Variants in MAK observed in about 807,000 individuals in gnomAD.
The protein encoded by MAK is male germ cell associated kinase.
MAK carries 65 observed loss-of-function variants against 82.6 expected under a neutral mutation model. The ratio of observed to expected loss-of-function variants is 0.79; its 90% CI spans 0.64 to 0.97. The LOEUF (loss-of-function observed/expected upper bound fraction) is 0.97. Among genes scored for constraint, MAK ranks in the 50% least tolerant of loss-of-function variants. The probability of loss-of-function intolerance (pLI) is 0.00; values close to 1 mark genes in which losing one functional copy is unlikely to be tolerated. For synonymous variants in MAK, 250 were observed against 274.2 expected (o/e 0.91, Z 0.87); for missense variants, 703 against 780.2 (o/e 0.90, Z 1.18).
At chr6:10,817,131 T>A (rs896465545) in intron 4 of MAK, among the ~76,000 whole-genome samples, 2 of 149,480 alleles carry the variant, frequency 1.3e-5, no homozygotes, top group African/African-American at 2.4e-5. Flanking sequence ...TGAGCGAGAG[T>A]GTGTGTGTGT....
intron 1 of MAK, chr6:10,838,261 A>T (rs1053888728): frequency 1.7e-4 from 26 of 152,396 alleles, no homozygotes; most frequent in African/African-American, 5.1e-4. Context: ...TCTGGGAGAC[A>T]CCGACCGCCT....
intron 8 of MAK, chr6:10,797,603 T>C (rs1444967463): frequency 1.0e-6 from 1 of 985,184 alleles, no homozygotes; most frequent in Non-Finnish European, 1.2e-6. Flanking sequence ...ATTCCCTTAT[T>C]GGCATCAAAT....
rs143572116 is a variant in MAK, at chr6:10,803,744, G to T, written c.639C>A (p.Cys213Ter). The T allele has an allele frequency of 1.9e-6, 3 of 1,613,800 alleles. No individual in the cohort carries two copies. Among genetic ancestry groups the T allele is most frequent in the Non-Finnish European group, 2.5e-6 (3 of 1,179,982 alleles). ...TSEVDEIFKI[C>*]QVLGTPKKSD... ...CTTTTTTGGGAGTCCCTAAAACTTG[G>T]CAAATTTTAAAGATTTCATCGACCT... The change falls in exon 7 of 15, where the codon TGC becomes TGA. Residue 213 changes from cysteine to a stop codon, truncating the protein, a stop_gained. Transcript: ENST00000354489. LOFTEE classifies it high-confidence loss of function.
In MAK at chr6:10,793,373, G is replaced by T. The variant is rs1271253620; in HGVS notation, c.1144-1526C>A. Among the ~76,000 whole-genome samples, 1 of 152,156 alleles carries T rather than the reference G, an allele frequency of 6.6e-6. No homozygotes were observed. The highest frequency in any genetic ancestry group is 1.9e-4 in the East Asian group (1 of 5,202). On this transcript the variant is annotated intron_variant, in intron 9 of 14. Coordinates refer to ENST00000354489, the MANE Select transcript of MAK (RefSeq NM_001242957.3). This position sits in a 1 kb window ranked among gnomAD's most constrained non-coding sequence, Gnocchi z 4.6. The stretch of plus-strand genomic sequence containing the variant: ...CTAGTAGCCTGCCCAAGATCTCACG[G>T]TCGTTCTATTCATCATGAAGATTCA...
At chr6:10,805,068 G>T (rs1390943175) in intron 6 of MAK, among the ~76,000 whole-genome samples, 2 of 52,212 alleles carry the variant, frequency 3.8e-5, no homozygotes, top group Non-Finnish European at 9.4e-5. Context: ...GCATGTGTGT[G>T]TCGGGGGGGG....
intron 14 of MAK, among the ~76,000 whole-genome samples, chr6:10,767,312 A>G (rs1772541173): frequency 6.6e-6 from 1 of 152,326 alleles, no homozygotes; most frequent in Non-Finnish European, 1.5e-5. Flanking sequence ...CCTGGAATAC[A>G]GCCCTGGGAG....
rs762987092 is a variant in MAK at position 10,808,930 on chromosome 6, C to T, written c.371G>A (p.Arg124Lys). Residue 124 changes from arginine to lysine, a missense_variant, in exon 6 of 15, where the codon AGG becomes AAG. Transcript: ENST00000354489. Reference sequence around the variant, plus strand: ...AAGCAAGTTTTCTGGTTTCATGTCCCTATGAAAAAAGCCTTGATGATATAC... The same window carrying T: ...AAGCAAGTTTTCTGGTTTCATGTCCTTATGAAAAAAGCCTTGATGATATAC... Reference protein sequence around the residue: ...AFIHKHGFFHRDMKPENLLCM... With the variant: ...AFIHKHGFFHKDMKPENLLCM... 1 of 1,612,954 alleles carries T rather than the reference C, an allele frequency of 6.2e-7. No individual in the cohort carries two copies. The highest frequency in any genetic ancestry group is 8.5e-7 in the Non-Finnish European group (1 of 1,179,428).
In MAK at chr6:10,803,901, T is replaced by TA. The variant is rs1776209443; in HGVS notation, c.492-11dup. Reference sequence around the variant, plus strand: ...TTCAGGGGCACGATACCTATGAAAATAGAGAACAAAAGAGGTAATTTTGAT... The same window carrying TA: ...TTCAGGGGCACGATACCTATGAAAATAAGAGAACAAAAGAGGTAATTTTGAT... On this transcript the variant is annotated splice_polypyrimidine_tract_variant and intron_variant, in intron 6 of 14. Transcript: ENST00000354489. 2 of 1,613,076 alleles carry TA rather than the reference T, an allele frequency of 1.2e-6. No homozygotes were observed. The highest frequency in any genetic ancestry group is 2.7e-5 in the African/African-American group (2 of 74,812).
At chr6:10,782,878 C>T (rs998243904) in intron 11 of MAK, among the ~76,000 whole-genome samples, 3 of 152,132 alleles carry the variant, frequency 2.0e-5, no homozygotes, top group Non-Finnish European at 2.9e-5. Flanking sequence ...GTGCCCAGCC[C>T]TAGCTGGATT....
intron 1 of MAK, among the ~76,000 whole-genome samples, chr6:10,832,922 A>G (rs1213357764): frequency 6.6e-6 from 1 of 151,870 alleles, no homozygotes; most frequent in Admixed American, 6.5e-5. Context: ...ACCCAAAAAC[A>G]TGTGTGACTT....
At chr6:10,815,535 A>G (rs2127573959) in intron 4 of MAK, among the ~76,000 whole-genome samples, 1 of 152,150 alleles carries the variant, frequency 6.6e-6, no homozygotes, top group East Asian at 1.9e-4. Context: ...AGGCAGGGGA[A>G]TTGCTGGAGC....
intron 10 of MAK, 91 bp from the exon 11 acceptor site, chr6:10,784,663 T>TCTGCACATCTG (rs1774358302): frequency 1.5e-6 from 1 of 672,860 alleles, no homozygotes; most frequent in South Asian, 2.8e-5. Flanking sequence ...CTGCACATCT[T>TCTGCACATCTG]CCTAAGCCAG....
At position 10,776,245 on chromosome 6, in the gene MAK, A is replaced by C. The variant is rs545777895; in HGVS notation, c.1466-786T>G. 2.0e-5 allele frequency among the ~76,000 whole-genome samples: 3 copies of C among 152,226 alleles called. No homozygotes were observed. Among genetic ancestry groups the C allele is most frequent in the Non-Finnish European group, 2.9e-5 (2 of 68,046 alleles). On this transcript the variant is annotated intron_variant, in intron 11 of 14. Transcript: ENST00000354489. The surrounding 1 kb of genome is among the most constrained non-coding windows in gnomAD (Gnocchi z 4.3). ...AAACGCTTATTTGTATATGAGATACAGTAAAATGGAAACAGTTTATCCCCT... is the reference window on the plus strand; with the variant it reads ...AAACGCTTATTTGTATATGAGATACCGTAAAATGGAAACAGTTTATCCCCT...
In MAK at chr6:10,817,125, C is replaced by T. The variant is rs1262209231; in HGVS notation, c.278+725G>A. Among the ~76,000 whole-genome samples, 6 of 84,414 alleles carry T rather than the reference C, an allele frequency of 7.1e-5. No homozygotes were observed. In the South Asian group the frequency reaches 1.4e-3, roughly 20 times the overall value. 55.4% of individuals were successfully genotyped at this position (84,414 alleles called of 152,430 possible). A position where few individuals can be genotyped will look rare whatever the true frequency, so the allele number is the denominator to read the frequency against. ...TCAAGTAACATCCTCAGACCTTGAG[C>T]GAGAGTGTGTGTGTGTGTGTGTGTG... On this transcript the variant is annotated intron_variant, in intron 4 of 14. Coordinates refer to ENST00000354489, the MANE Select transcript of MAK (RefSeq NM_001242957.3).
chr6:10,791,788 G>A lies in MAK; in HGVS notation c.1203C>T (p.Phe401=). The part of the protein sequence containing the change: ...SGRRRWGQTI[F]KSGDSWEELE... ...ACTCTTCCCAGCTATCTCCAGACTT[G>A]AAGATAGTCTGACCCCAACGCCTCC... is the stretch of plus-strand genomic sequence containing the variant. Residue 401 remains phenylalanine, a synonymous_variant, in exon 10 of 15, where the codon TTC becomes TTT. Coordinates refer to ENST00000354489, the MANE Select transcript of MAK (RefSeq NM_001242957.3). 1 of 1,614,076 alleles carries A rather than the reference G, an allele frequency of 6.2e-7. No homozygotes were observed. Among genetic ancestry groups the A allele is most frequent in the Non-Finnish European group, 8.5e-7 (1 of 1,179,984 alleles).
Position 10,803,232 on chromosome 6 carries a change from C to G in MAK, c.663+488G>C, listed in dbSNP as rs1488713928. The stretch of plus-strand genomic sequence containing the variant: ...GGCTTCTTGCAATCCTTAACCCACT[C>G]CGATTAAAAAAATAAGGATTACAGC... On this transcript the variant is annotated intron_variant, in intron 7 of 14. Transcript: ENST00000354489. Among the ~76,000 whole-genome samples the G allele has an allele frequency of 3.3e-5, 5 of 152,008 alleles. No homozygotes were observed. In the East Asian group the frequency reaches 9.6e-4, roughly 29 times the overall value.
chr6:10,798,114 CTTTTT>C (rs554907132), intron 8 of MAK: 10 of 138,500 alleles, frequency 7.2e-5, no homozygotes, highest in South Asian at 2.3e-4. Flanking sequence ...CAACTCTTCC[CTTTTT>C]TTTTTTTTTT....
chr6:10,776,405 C>T lies in MAK; in HGVS notation c.1466-946G>A, dbSNP rs1453465972. On this transcript the variant is annotated intron_variant, in intron 11 of 14. Coordinates refer to ENST00000354489, the MANE Select transcript of MAK (RefSeq NM_001242957.3). This position sits in a 1 kb window ranked among gnomAD's most constrained non-coding sequence, Gnocchi z 4.3. The stretch of plus-strand genomic sequence containing the variant: ...AGTGGTCAAAGGGAGTTGTTTCAAC[C>T]TGTTCTTAAGAGACTGAAAACTTCT... 1.3e-5 allele frequency among the ~76,000 whole-genome samples: 2 copies of T among 152,194 alleles called. No individual in the cohort carries two copies. The highest frequency in any genetic ancestry group is 2.9e-5 in the Non-Finnish European group (2 of 68,026).
intron 11 of MAK, among the ~76,000 whole-genome samples, chr6:10,782,425 G>A (rs2127529293): frequency 6.6e-6 from 1 of 152,106 alleles, no homozygotes. Context: ...TTCACCCCCT[G>A]TAAGTTTATA....
Sources: allele counts gnomAD v4.1 joint callset (sites outside exome capture counted in the v4.1 genomes callset), GRCh38; gene constraint gnomAD v4.1.1; non-coding constraint Gnocchi (gnomAD v3.1); transcripts MANE v1.5; gene names NCBI Gene and HGNC (gene_info 2026-07-23, HGNC 2026-07-21).